The following TOR1AIP1 variants were observed in gnomAD, a reference collection of about 807,000 sequenced individuals.
TOR1AIP1 encodes torsin-1A-interacting protein 1.
A neutral mutation model predicts 63.3 loss-of-function variants in TOR1AIP1; 54 were observed. The ratio of observed to expected loss-of-function variants is 0.85; its 90% CI spans 0.69 to 1.07. The LOEUF (loss-of-function observed/expected upper bound fraction) is 1.07. Ranked by LOEUF, TOR1AIP1 falls within the 50% of genes least tolerant of loss-of-function variation. The probability of loss-of-function intolerance (pLI) is 0.00; values close to 1 mark genes in which losing one functional copy is unlikely to be tolerated. For missense variants in TOR1AIP1, 736 were observed against 715.0 expected (o/e 1.03, Z -0.33); for synonymous variants, 294 against 273.5 (o/e 1.07, Z -0.74).
intron 1 of TOR1AIP1, 147 bp downstream of exon 1, chr1:179,883,124 G>T: frequency 1.3e-6 from 1 of 753,556 alleles, no homozygotes; most frequent in South Asian, 1.8e-5. Context: ...GACTTGTGCC[G>T]CCGTGCAAGG....
At chr1:179,888,402 T>G (rs1450822165) in intron 2 of TOR1AIP1, among the ~76,000 whole-genome samples, 1 of 152,126 alleles carries the variant, frequency 6.6e-6, no homozygotes, top group African/African-American at 2.4e-5. Flanking sequence ...GCCTCCCAAA[T>G]AGCTGGGATT....
intron 3 of TOR1AIP1, among the ~76,000 whole-genome samples, chr1:179,898,599 C>G (rs1441277709): frequency 6.6e-6 from 1 of 152,032 alleles, no homozygotes; most frequent in Non-Finnish European, 1.5e-5. Flanking sequence ...GGAGCTCATG[C>G]CTGTATTACA....
intron 3 of TOR1AIP1, among the ~76,000 whole-genome samples, chr1:179,899,593 G>A (rs1373047241): frequency 6.6e-6 from 1 of 152,130 alleles, no homozygotes; most frequent in Non-Finnish European, 1.5e-5. Flanking sequence ...GCATACAAAG[G>A]TTACATTTTA....
At chr1:179,893,805 A>G (rs1473079724) in intron 3 of TOR1AIP1, among the ~76,000 whole-genome samples, 1 of 152,224 alleles carries the variant, frequency 6.6e-6, no homozygotes, top group Non-Finnish European at 1.5e-5. Context: ...AAATTGGCCT[A>G]CAATCTTTTT....
intron 8 of TOR1AIP1, chr1:179,913,601 A>G (rs1170733391): frequency 1.4e-6 from 1 of 702,398 alleles, no homozygotes; most frequent in South Asian, 1.5e-5. Flanking sequence ...TCACCAGGCA[A>G]GAGTTCAATA....
chr1:179,903,863 C>T, intron 5 of TOR1AIP1, 103 bp from the exon 6 acceptor site: 1 of 757,552 alleles, frequency 1.3e-6, no homozygotes, highest in African/African-American at 1.8e-5. Context: ...TGGGAGTTAC[C>T]CGAATATTTT....
intron 9 of TOR1AIP1, among the ~76,000 whole-genome samples, chr1:179,916,558 C>T (rs1358348974): frequency 1.3e-5 from 2 of 151,888 alleles, no homozygotes; most frequent in Non-Finnish European, 2.9e-5. Flanking sequence ...ATTATTATTG[C>T]CAATAGTAAC....
rs763829011 is a variant in TOR1AIP1, at chr1:179,907,805, C to G, written c.797-18C>G. On this transcript the variant is annotated intron_variant, in intron 6 of 9. Coordinates refer to ENST00000606911, the MANE Select transcript of TOR1AIP1 (RefSeq NM_015602.4). ...ATTTTCAAGTATTCTATGACCTTAT[C>G]CCTGTTTTCTGTTTCAGGTCAAAAC... 1.9e-6 allele frequency: 3 copies of G among 1,582,954 alleles called. No individual in the cohort carries two copies. The highest frequency in any genetic ancestry group is 1.4e-5 in the African/African-American group (1 of 73,678).
Position 179,884,673 on chromosome 1 carries a change from T to A in TOR1AIP1, c.476-19T>A, listed in dbSNP as rs2148469924. 6.3e-7 allele frequency: 1 copy of A among 1,594,970 alleles called. No homozygotes were observed. The stretch of plus-strand genomic sequence containing the variant: ...GTCATATATTCTGAATTTTAACTCT[T>A]GTTATGTCTGTTTTTTAGAGGATGA... On this transcript the variant is annotated intron_variant, in intron 1 of 9. Coordinates refer to ENST00000606911, the MANE Select transcript of TOR1AIP1 (RefSeq NM_015602.4).
At chr1:179,883,192 G>T (rs896597340) in intron 1 of TOR1AIP1, 6 of 592,954 alleles carry the variant, frequency 1.0e-5, no homozygotes, top group Non-Finnish European at 1.8e-5. Context: ...AAAGATGGTC[G>T]TGTGGAGCGA....
intron 4 of TOR1AIP1, chr1:179,900,406 C>T (rs1392835098): frequency 3.5e-6 from 1 of 285,912 alleles, no homozygotes; most frequent in South Asian, 5.2e-5. Flanking sequence ...ATATGGTGAC[C>T]TCCCGGGAGC....
chr1:179,892,210 G>A (rs747665326), intron 3 of TOR1AIP1, among the ~76,000 whole-genome samples: 2 of 152,098 alleles, frequency 1.3e-5, no homozygotes, highest in African/African-American at 2.4e-5. Context: ...GGTGGCTCAC[G>A]CCTATAATCC....
intron 4 of TOR1AIP1, 46 bp from the exon 5 acceptor site, chr1:179,901,256 G>T: frequency 7.9e-7 from 1 of 1,273,582 alleles, no homozygotes; most frequent in Non-Finnish European, 1.1e-6. Flanking sequence ...CAGATCTTCT[G>T]AGCATTAAAA....
intron 9 of TOR1AIP1, among the ~76,000 whole-genome samples, 169 bp from the exon 10 acceptor site, chr1:179,917,282 TC>T (rs1224926161): frequency 6.6e-6 from 1 of 152,360 alleles, no homozygotes; most frequent in African/African-American, 2.4e-5. Flanking sequence ...TGTAAGATTT[TC>T]TTGAGAATGT....
intron 1 of TOR1AIP1, chr1:179,883,698 A>C (rs1175944957): frequency 2.2e-6 from 1 of 456,292 alleles, no homozygotes; most frequent in East Asian, 6.9e-5. Flanking sequence ...TGACAAAGTA[A>C]CCTGAAAAAC....
chr1:179,909,383 TTTTTGTTTTGTTTTG>T (rs144067149), intron 8 of TOR1AIP1, among the ~76,000 whole-genome samples: 18,631 of 147,662 alleles, frequency 0.13, 1,226 homozygotes, highest in Middle Eastern at 0.2. Context: ...TTTTTTCTGT[TTTTTGTTTTGTTTTG>T]TTTTGTTTTG....
chr1:179,907,982 C>T (rs1308149325), intron 7 of TOR1AIP1, 118 bp downstream of exon 7: 4 of 612,186 alleles, frequency 6.5e-6, no homozygotes, highest in Non-Finnish European at 9.9e-6. Flanking sequence ...AATCTGGGCT[C>T]ATTGCAAGCT....
chr1:179,916,765 G>A (rs1042613139), intron 9 of TOR1AIP1, among the ~76,000 whole-genome samples: 3 of 146,486 alleles, frequency 2.0e-5, no homozygotes, highest in South Asian at 2.2e-4. Flanking sequence ...GTGCAGTGGC[G>A]TGATCTCGGC....
chr1:179,909,177 A>AG (rs1648749971), intron 8 of TOR1AIP1, among the ~76,000 whole-genome samples: 1 of 152,044 alleles, frequency 6.6e-6, no homozygotes, highest in South Asian at 2.1e-4. Context: ...AGAAAAAAAA[A>AG]GAGAAAACCA....
Sources: allele counts gnomAD v4.1 joint callset (sites outside exome capture counted in the v4.1 genomes callset), GRCh38; gene constraint gnomAD v4.1.1; transcripts MANE v1.5; gene names NCBI Gene and HGNC (gene_info 2026-07-23, HGNC 2026-07-21).